The following CCDC40 variants were observed in gnomAD, a reference collection of about 807,000 sequenced individuals.
The protein encoded by CCDC40 is coiled-coil domain-containing protein 40.
In CCDC40, 104 loss-of-function variants were observed where a neutral mutation model predicts 124.5. The observed-to-expected ratio is 0.84, with a 90% confidence interval of 0.71 to 0.98. The LOEUF (loss-of-function observed/expected upper bound fraction) is 0.98. Ranked by LOEUF, CCDC40 falls within the 50% of genes least tolerant of loss-of-function variation. The pLI, the probability that CCDC40 is intolerant of heterozygous loss-of-function variation, is 0.00. For synonymous variants in CCDC40, 580 were observed against 602.9 expected (o/e 0.96, Z 0.56); for missense variants, 1,463 against 1,503.9 (o/e 0.97, Z 0.45).
At chr17:80,053,295 G>C (rs1275304324) in intron 7 of CCDC40, among the ~76,000 whole-genome samples, 5 of 152,194 alleles carry the variant, frequency 3.3e-5, no homozygotes, top group Non-Finnish European at 7.3e-5. Context: ...TTCCAGGCGG[G>C]AAAACCCAGA....
chr17:80,065,434 T>A (rs1350886043), intron 9 of CCDC40, 51 bp from the exon 10 acceptor site: 14 of 1,610,994 alleles, frequency 8.7e-6, no homozygotes, highest in Non-Finnish European at 1.1e-5. Context: ...TGGGCTTTGC[T>A]CGCAAATGAA....
At chr17:80,089,049 C>T (rs1245478015) in intron 16 of CCDC40, among the ~76,000 whole-genome samples, 1 of 152,218 alleles carries the variant, frequency 6.6e-6, no homozygotes, top group Non-Finnish European at 1.5e-5. Flanking sequence ...GTGCAAAGTA[C>T]CCAGGGAAAA....
intron 9 of CCDC40, among the ~76,000 whole-genome samples, chr17:80,063,595 C>T (rs2037958620): frequency 6.6e-6 from 1 of 152,222 alleles, no homozygotes; most frequent in African/African-American, 2.4e-5. Flanking sequence ...GAGCAGCCTC[C>T]TTAGTGAATA....
chr17:80,036,747 CA>C, intron 1 of CCDC40, 56 bp downstream of exon 1: 1 of 1,452,222 alleles, frequency 6.9e-7, no homozygotes, highest in Non-Finnish European at 9.1e-7. Context: ...GCTCTCCGTT[CA>C]CCGCTCCAGG....
At chr17:80,099,113 T>A (rs1230622158) in intron 19 of CCDC40, among the ~76,000 whole-genome samples, 1 of 134,840 alleles carries the variant, frequency 7.4e-6, no homozygotes, top group Non-Finnish European at 1.6e-5. Flanking sequence ...AAACCCTGTC[T>A]CTACTAAAAA....
intron 7 of CCDC40, among the ~76,000 whole-genome samples, chr17:80,057,373 C>T (rs962192725): frequency 1.3e-5 from 2 of 151,906 alleles, no homozygotes; most frequent in African/African-American, 4.8e-5. Flanking sequence ...CAGGCGTGAG[C>T]CACCACACCC....
At chr17:80,095,779 A>G (rs2038800681) in intron 18 of CCDC40, among the ~76,000 whole-genome samples, 1 of 152,210 alleles carries the variant, frequency 6.6e-6, no homozygotes, top group South Asian at 2.1e-4. Context: ...AGAGCTGCTG[A>G]CACCCAGAGA....
chr17:80,047,018 G>A (rs2037439120), intron 3 of CCDC40, among the ~76,000 whole-genome samples: 1 of 152,060 alleles, frequency 6.6e-6, no homozygotes, highest in African/African-American at 2.4e-5. Context: ...GCTAATTTTT[G>A]TATTTCTGGT....
intron 18 of CCDC40, among the ~76,000 whole-genome samples, chr17:80,096,355 T>C (rs1481603271): frequency 6.6e-6 from 1 of 152,192 alleles, no homozygotes; most frequent in Non-Finnish European, 1.5e-5. Context: ...GTCATCCCTG[T>C]AGGGAAAGGC....
chr17:80,068,057 G>A (rs1263379176), intron 10 of CCDC40: 1 of 892,072 alleles, frequency 1.1e-6, no homozygotes, highest in Non-Finnish European at 1.3e-6. Flanking sequence ...TTCTTGCAAT[G>A]GAGTCTCGCT....
chr17:80,078,471 C>T (rs933473842), intron 10 of CCDC40, among the ~76,000 whole-genome samples: 10 of 151,996 alleles, frequency 6.6e-5, no homozygotes, highest in Non-Finnish European at 1.0e-4. Flanking sequence ...GTGGTATGAG[C>T]GGGGTCCAGG....
rs554495702 is a variant in CCDC40, at chr17:80,063,139, G to A, written c.1441-2346G>A. Among the ~76,000 whole-genome samples, 18 of 152,118 alleles carry A rather than the reference G, an allele frequency of 1.2e-4. No individual in the cohort carries two copies. In the South Asian group the frequency reaches 3.5e-3, roughly 30 times the overall value. ...GAACTCAGGAGGCGGAAATTGCAGT[G>A]AGCCAAGATCGTGCCATTTTGCTCC... On this transcript the variant is annotated intron_variant, in intron 9 of 19. Transcript: ENST00000397545.
At chr17:80,061,177 C>T (rs1598503885) in intron 9 of CCDC40, among the ~76,000 whole-genome samples, 1 of 138,984 alleles carries the variant, frequency 7.2e-6, no homozygotes, top group Admixed American at 6.7e-5. Flanking sequence ...AAAACCCCAT[C>T]TCTACTGAAA....
chr17:80,097,135 C>T (rs1048071952), intron 18 of CCDC40, 110 bp from the exon 19 acceptor site: 2 of 1,211,722 alleles, frequency 1.7e-6, no homozygotes, highest in Non-Finnish European at 2.4e-6. Flanking sequence ...TGGGAGCCTC[C>T]CTGGATGGAG....
At chr17:80,071,470 C>CTA (rs1232712876) in intron 10 of CCDC40, among the ~76,000 whole-genome samples, 2 of 152,178 alleles carry the variant, frequency 1.3e-5, no homozygotes, top group African/African-American at 4.8e-5. Context: ...CCTGTGTCCC[C>CTA]CCCTTAATCC....
rs770369678 is a variant in CCDC40 at position 80,050,100 on chromosome 17, G to T, written c.976G>T (p.Glu326Ter). 2.5e-6 allele frequency: 4 copies of T among 1,614,030 alleles called. No individual in the cohort carries two copies. The highest frequency in any genetic ancestry group is 3.4e-6 in the Non-Finnish European group (4 of 1,180,008). The change falls in exon 7 of 20, where the codon GAG becomes TAG. Residue 326 changes from glutamate (E) to a stop codon, truncating the protein, a stop_gained. Transcript: ENST00000397545. LOFTEE classifies it high-confidence loss of function. Reference protein sequence around the residue: ...ATKQSRAQRQELGVNLYEVQQ... With the variant: ...ATKQSRAQRQ ...CAAGCAGAGCCGAGCCCAGCGGCAG[G>T]AGCTGGGGGTGAATCTCTATGAGGT...
Position 80,058,823 on chromosome 17 carries a change from C to G in CCDC40, c.1318-35C>G. The G allele has an allele frequency of 6.2e-7, 1 of 1,613,972 alleles. No individual in the cohort carries two copies. ...AGAACAGGCCCTCAGCCACGGGCAC[C>G]TCCTGACGGGGCTGCTTCTCATCCT... On this transcript the variant is annotated intron_variant, in intron 8 of 19. Coordinates refer to ENST00000397545, the MANE Select transcript of CCDC40 (RefSeq NM_017950.4). The surrounding 1 kb of genome is among the most constrained non-coding windows in gnomAD (Gnocchi z 4.2).
Position 80,037,683 on chromosome 17 carries a change from T to TAAAAAAAA in CCDC40, c.30-434_30-433insAAAAAAAA, listed in dbSNP as rs11312279. ...AAAATAGCTTGAATCTTTAATTTTTTAAAAAAGATATACATATATATATAT... is the reference window on the plus strand; with the variant it reads ...AAAATAGCTTGAATCTTTAATTTTTTAAAAAAAAAAAAAAGATATACATATATATATAT... On this transcript the variant is annotated intron_variant, in intron 1 of 19. Coordinates refer to ENST00000397545, the MANE Select transcript of CCDC40 (RefSeq NM_017950.4). Among the ~76,000 whole-genome samples the TAAAAAAAA allele has an allele frequency of 1.1e-3, 48 of 44,406 alleles. 1 individual carries two copies. The highest frequency in any genetic ancestry group is 1.9e-3 in the Non-Finnish European group (37 of 19,258). 29.1% of individuals were successfully genotyped at this position (44,406 alleles called of 152,430 possible).
chr17:80,081,763 G>A lies in CCDC40; in HGVS notation c.1780G>A (p.Glu594Lys). ...CTACAGGCTCACCCTGCAGGACACA[G>A]AGGATGCCCTCAGCCAGGACCAGCT... ...NTYRLTLQDTEDALSQDQLEQ... is the reference protein window; with the variant it reads ...NTYRLTLQDTKDALSQDQLEQ... The change falls in exon 11 of 20, where the codon GAG becomes AAG. Residue 594 changes from glutamate (E) to lysine (K), a missense_variant. Transcript: ENST00000397545. 1 of 1,614,076 alleles carries A rather than the reference G, an allele frequency of 6.2e-7. No individual in the cohort carries two copies. Among genetic ancestry groups the A allele is most frequent in the East Asian group, 2.2e-5 (1 of 44,884 alleles).
Sources: allele counts gnomAD v4.1 joint callset (sites outside exome capture counted in the v4.1 genomes callset), GRCh38; gene constraint gnomAD v4.1.1; non-coding constraint Gnocchi (gnomAD v3.1); transcripts MANE v1.5; gene names NCBI Gene and HGNC (gene_info 2026-07-23, HGNC 2026-07-21).